PRF1: variants seen among roughly 807,000 people sequenced by gnomAD.
PRF1 encodes perforin-1.
In PRF1, 11 loss-of-function variants were observed where a neutral mutation model predicts 11.7. That is an observed-to-expected ratio of 0.94 (90% CI 0.59 to 1.56). The LOEUF is 1.56. Ranked by LOEUF, PRF1 falls within the 40% of genes most tolerant of loss-of-function variation. The probability of loss-of-function intolerance (pLI) is 0.00; values close to 1 mark genes in which losing one functional copy is unlikely to be tolerated. For synonymous variants in PRF1, 314 were observed against 327.8 expected, an observed-to-expected ratio of 0.96 and a Z score of 0.45; for missense variants, 729 against 751.0, an observed-to-expected ratio of 0.97 and a Z score of 0.34.
chr10:70,599,307 C>T (rs978338102), intron 2 of PRF1, 126 bp from the exon 3 acceptor site: 23 of 1,260,986 alleles, frequency 1.8e-5, no homozygotes, highest in Middle Eastern at 5.1e-4. Flanking sequence ...CCCAGGGGCC[C>T]GGCTCCAGAG....
rs34914326 is a variant in PRF1 at position 70,597,843 on chromosome 10, TAAA to T, written c.*207_*209del. 0.011 allele frequency: 6,600 copies of T among 591,566 alleles called. 26 individuals carry two copies. Among genetic ancestry groups the T allele is most frequent in the African/African-American group, 0.029 (1,449 of 50,400 alleles). The allele number at this position is 591,566 out of a possible 1,614,324, so 36.6% of individuals were successfully genotyped here. On this transcript the variant is annotated 3_prime_UTR_variant, in exon 3 of 3. Coordinates refer to ENST00000441259, the MANE Select transcript of PRF1 (RefSeq NM_001083116.3). ...CTAGCACTAACGATAGCCGATGAGC[TAAA>T]AAAAAAAAAAAAATAGCAAAAAGAA...
In PRF1 at chr10:70,597,943, G is replaced by A; in HGVS notation, c.*110C>T. The A allele has an allele frequency of 1.4e-6, 2 of 1,423,824 alleles. No homozygotes were observed. Among genetic ancestry groups the A allele is most frequent in the Non-Finnish European group, 1.9e-6 (2 of 1,035,226 alleles). The allele number at this position is 1,423,824 out of a possible 1,614,324, so 88.2% of individuals were successfully genotyped here. A position where few individuals can be genotyped will look rare whatever the true frequency, so the allele number is the denominator to read the frequency against. On this transcript the variant is annotated 3_prime_UTR_variant, in exon 3 of 3. Coordinates refer to ENST00000441259, the MANE Select transcript of PRF1 (RefSeq NM_001083116.3). The stretch of plus-strand genomic sequence containing the variant: ...TCAAAGCCATCCTGGGCCGCATGCG[G>A]GCCTCGGGTTGGACAAGCTTGGTCT...
chr10:70,598,296 C>G lies in PRF1; in HGVS notation c.1425G>C (p.Gly475=). 1 of 1,614,212 alleles carries G rather than the reference C, an allele frequency of 6.2e-7. No homozygotes were observed. The highest frequency in any genetic ancestry group is 8.5e-7 in the Non-Finnish European group (1 of 1,180,034). Residue 475 remains glycine, a synonymous_variant, in exon 3 of 3, where the codon GGG becomes GGC. Coordinates refer to ENST00000441259, the MANE Select transcript of PRF1 (RefSeq NM_001083116.3). The part of the protein sequence containing the change: ...LDFGDVLLAT[G]GPLRLQVWDQ... ...CCCAGACCTGCAACCTCAGGGGCCCCCCTGTGGCCAGGAGCACATCCCCAA... is the reference window on the plus strand; with the variant it reads ...CCCAGACCTGCAACCTCAGGGGCCCGCCTGTGGCCAGGAGCACATCCCCAA...
Position 70,598,952 on chromosome 10 carries a change from A to G in PRF1, c.769T>C (p.Cys257Arg), listed in dbSNP as rs2132476466. 6.2e-7 allele frequency: 1 copy of G among 1,614,260 alleles called. No homozygotes were observed. Among genetic ancestry groups the G allele is most frequent in the East Asian group, 2.2e-5 (1 of 44,880 alleles). The part of the protein sequence containing the change: ...EGLTDNEVED[C>R]LTVEAQVNIG... ...TTGACCTGGGCCTCGACAGTCAGGC[A>G]GTCCTCCACCTCGTTGTCCGTGAGC... The change falls in exon 3 of 3, where the codon TGC becomes CGC. Residue 257 changes from cysteine to arginine, a missense_variant. Transcript: ENST00000441259.
At position 70,597,519 on chromosome 10, in the gene PRF1, G is replaced by A. The variant is rs1201724085; in HGVS notation, c.*534C>T. On this transcript the variant is annotated 3_prime_UTR_variant, in exon 3 of 3. Coordinates refer to ENST00000441259, the MANE Select transcript of PRF1 (RefSeq NM_001083116.3). ...ATGAAGGCTTTGCCACACCATAGAG[G>A]GCTCAAGGGAAGGGTCCTAAAAGAC... 1 of 422,868 alleles carries A rather than the reference G, an allele frequency of 2.4e-6. No homozygotes were observed. The allele number at this position is 422,868 out of a possible 1,614,324, so 26.2% of individuals were successfully genotyped here. A position where few individuals can be genotyped will look rare whatever the true frequency, so the allele number is the denominator to read the frequency against.
At position 70,598,417 on chromosome 10, in the gene PRF1, G is replaced by C; in HGVS notation, c.1304C>G (p.Thr435Arg). The change falls in exon 3 of 3, where the codon ACG becomes AGG. Residue 435 changes from threonine to arginine, a missense_variant. By Grantham distance (71) the Thr-to-Arg change is moderately conservative (BLOSUM62 -1). Coordinates refer to ENST00000441259, the MANE Select transcript of PRF1 (RefSeq NM_001083116.3). ...WGLWGDWFTA[T>R]DAYVKLFFGG... Reference sequence around the variant, plus strand: ...AAAGAAGAGCTTCACATAGGCATCCGTGGCAGTGAACCAGTCCCCCCACAG... The same window carrying C: ...AAAGAAGAGCTTCACATAGGCATCCCTGGCAGTGAACCAGTCCCCCCACAG... The C allele has an allele frequency of 6.2e-7, 1 of 1,613,956 alleles. No individual in the cohort carries two copies. The highest frequency in any genetic ancestry group is 8.5e-7 in the Non-Finnish European group (1 of 1,180,018).
Position 70,598,751 on chromosome 10 carries a change from G to T in PRF1, c.970C>A (p.Gln324Lys). 1.2e-6 allele frequency: 2 copies of T among 1,614,232 alleles called. No individual in the cohort carries two copies. Among genetic ancestry groups the T allele is most frequent in the South Asian group, 1.1e-5 (1 of 91,080 alleles). ...LLFGIQAGPE[Q>K]YSAWVNSLPG... ...AGCGAGTTTACCCAGGCTGAGTACT[G>T]CTCGGGCCCGGCCTGGATCCCGAAC... The change falls in exon 3 of 3, where the codon CAG becomes AAG. Residue 324 changes from glutamine (Q) to lysine (K), a missense_variant. By Grantham distance (53) the Gln-to-Lys change is moderately conservative (BLOSUM62 1). Transcript: ENST00000441259.
chr10:70,598,488 C>T lies in PRF1; in HGVS notation c.1233G>A (p.Gln411=). The T allele has an allele frequency of 3.7e-6, 6 of 1,613,586 alleles. No individual in the cohort carries two copies. Among genetic ancestry groups the T allele is most frequent in the Non-Finnish European group, 5.1e-6 (6 of 1,180,012 alleles). Residue 411 remains glutamine (Q), a synonymous_variant, in exon 3 of 3, where the codon CAG becomes CAA. Transcript: ENST00000441259. ...AVTTQDCCPR[Q]RGLAQLEVTF... The stretch of plus-strand genomic sequence containing the variant: ...TCACCTCCAGCTGGGCCAGGCCCCT[C>T]TGCCGAGGGCAGCAGTCCTGGGTGG...
At position 70,600,745 on chromosome 10, in the gene PRF1, A is replaced by T. The variant is rs776129535; in HGVS notation, c.158T>A (p.Leu53His). ...CACTGGGAAGGAGCCCGAGCGGCGG[A>T]GGCTGGTCACGTCCACACCCTCCCC... is the stretch of plus-strand genomic sequence containing the variant. ...LAGEGVDVTSLRRSGSFPVDT... is the reference protein window; with the variant it reads ...LAGEGVDVTSHRRSGSFPVDT... Residue 53 changes from leucine to histidine, a missense_variant, in exon 2 of 3, where the codon CTC becomes CAC. Physicochemically the swap from Leu to His is moderately conservative, Grantham distance 99. Transcript: ENST00000441259. This position sits in a 1 kb window ranked among gnomAD's most constrained non-coding sequence, Gnocchi z 4.9. 6.2e-7 allele frequency: 1 copy of T among 1,613,150 alleles called. No individual in the cohort carries two copies. Among genetic ancestry groups the T allele is most frequent in the Non-Finnish European group, 8.5e-7 (1 of 1,179,506 alleles).
intron 2 of PRF1, among the ~76,000 whole-genome samples, chr10:70,599,960 G>T (rs1445956224): frequency 6.6e-6 from 1 of 152,242 alleles, no homozygotes; most frequent in Non-Finnish European, 1.5e-5. Context: ...TCAGAGAGAA[G>T]TGAGATGCTC....
rs372071395 is a variant in PRF1 at position 70,599,520 on chromosome 10, C to T, written c.540-339G>A. ...ACCCCAGCACTTTGGGAGGCCGAGG[C>T]GGGAGGATCACTTGAGCCCAGGAGT... On this transcript the variant is annotated intron_variant, in intron 2 of 2. Transcript: ENST00000441259. Among the ~76,000 whole-genome samples, 126 of 152,242 alleles carry T rather than the reference C, an allele frequency of 8.3e-4. 1 individual carries two copies. The South Asian group carries it at 0.017, about 20-fold the overall frequency.
rs748926167 is a variant in PRF1, at chr10:70,598,292, G to GC, written c.1428dup (p.Pro477AlafsTer16). On this transcript the variant is annotated frameshift_variant, in exon 3 of 3. Transcript: ENST00000441259. LOFTEE classifies it low-confidence loss of function (END_TRUNC). The stretch of plus-strand genomic sequence containing the variant: ...TGATCCCAGACCTGCAACCTCAGGG[G>GC]CCCCCCTGTGGCCAGGAGCACATCC... 2 of 1,614,154 alleles carry GC rather than the reference G, an allele frequency of 1.2e-6. No homozygotes were observed. The highest frequency in any genetic ancestry group is 1.1e-5 in the South Asian group (1 of 91,084).
At position 70,600,716 on chromosome 10, in the gene PRF1, T is replaced by A. The variant is rs1239133757; in HGVS notation, c.187A>T (p.Thr63Ser). 6.2e-7 allele frequency: 1 copy of A among 1,613,870 alleles called. No homozygotes were observed. The highest frequency in any genetic ancestry group is 2.2e-5 in the East Asian group (1 of 44,866). ...LRRSGSFPVD[T>S]QRFLRPDGTC... ...CCGTCGGGCCGCAGGAACCTTTGTG[T>A]GTCCACTGGGAAGGAGCCCGAGCGG... Residue 63 changes from threonine to serine, a missense_variant, in exon 2 of 3, where the codon ACA becomes TCA. By Grantham distance (58) the Thr-to-Ser change is moderately conservative. Transcript: ENST00000441259. This position sits in a 1 kb window ranked among gnomAD's most constrained non-coding sequence, Gnocchi z 4.9.
chr10:70,598,453 T>C lies in PRF1; in HGVS notation c.1268A>G (p.Gln423Arg). Residue 423 changes from glutamine to arginine, a missense_variant, in exon 3 of 3, where the codon CAA (glutamine) becomes CGA (arginine). Coordinates refer to ENST00000441259, the MANE Select transcript of PRF1 (RefSeq NM_001083116.3). ...CCAGTCCCCCCACAGGCCCCATGCT[T>C]GGATGAAGGTCACCTCCAGCTGGGC... ...GLAQLEVTFI[Q>R]AWGLWGDWFT... is the part of the protein sequence containing the mutation. 6.2e-7 allele frequency: 1 copy of C among 1,613,664 alleles called. No individual in the cohort carries two copies. The highest frequency in any genetic ancestry group is 8.5e-7 in the Non-Finnish European group (1 of 1,179,996).
chr10:70,600,870 A>G lies in PRF1; in HGVS notation c.33T>C (p.Leu11=), dbSNP rs759411132. 6.2e-6 allele frequency: 10 copies of G among 1,604,780 alleles called. No individual in the cohort carries two copies. Among genetic ancestry groups the G allele is most frequent in the Middle Eastern group, 1.7e-4 (1 of 5,816 alleles). The change falls in exon 2 of 3, where the codon CTT becomes CTC. Residue 11 remains leucine (L), a synonymous_variant. Transcript: ENST00000441259. This position sits in a 1 kb window ranked among gnomAD's most constrained non-coding sequence, Gnocchi z 4.9. ...GGACGGGCAGGGGCAGCAGCAGGAG[A>G]AGGATGCCCAGGAGGAGCAGACGGG... The part of the protein sequence containing the change: MAARLLLLGI[L]LLLLPLPVPA...
At position 70,600,695 on chromosome 10, in the gene PRF1, CG is replaced by C. The variant is rs786205093; in HGVS notation, c.207del (p.Asp70ThrfsTer37). 2 of 1,613,730 alleles carry C rather than the reference CG, an allele frequency of 1.2e-6. No individual in the cohort carries two copies. Among genetic ancestry groups the C allele is most frequent in the East Asian group, 4.5e-5 (2 of 44,886 alleles). The stretch of plus-strand genomic sequence containing the variant: ...TTTTCACAGAGGGTGCAGGTGCCGT[CG>C]GGCCGCAGGAACCTTTGTGTGTCCA... ...FPVDTQRFLR[P>X]DGTCTLCENA... On this transcript the variant is annotated frameshift_variant, in exon 2 of 3. Transcript: ENST00000441259. LOFTEE classifies it high-confidence loss of function. This position sits in a 1 kb window ranked among gnomAD's most constrained non-coding sequence, Gnocchi z 4.9.
In PRF1 at chr10:70,598,387, C is replaced by T. The variant is rs754711256; in HGVS notation, c.1334G>A (p.Gly445Asp). 1.1e-5 allele frequency: 17 copies of T among 1,614,116 alleles called. No individual in the cohort carries two copies. Among genetic ancestry groups the T allele is most frequent in the Non-Finnish European group, 1.4e-5 (17 of 1,180,038 alleles). ...CACGGTGCTCGTCCTCAGCTCCTGGCCACCAAAGAAGAGCTTCACATAGGC... is the reference window on the plus strand; with the variant it reads ...CACGGTGCTCGTCCTCAGCTCCTGGTCACCAAAGAAGAGCTTCACATAGGC... ...TDAYVKLFFG[G>D]QELRTSTVWD... The change falls in exon 3 of 3, where the codon GGC (glycine) becomes GAC (aspartate). Residue 445 changes from glycine (G) to aspartate (D), a missense_variant. Coordinates refer to ENST00000441259, the MANE Select transcript of PRF1 (RefSeq NM_001083116.3).
chr10:70,602,356 A>G (rs1010009589), intron 1 of PRF1, among the ~76,000 whole-genome samples: 2 of 152,208 alleles, frequency 1.3e-5, no homozygotes, highest in Non-Finnish European at 2.9e-5. Context: ...CAGTGAACTC[A>G]GCCCTCATCC....
Position 70,598,084 on chromosome 10 carries a change from G to T in PRF1, c.1637C>A (p.Pro546His). ...DYVPQMLLGE[P>H]PGNRSGAVW Reference sequence around the variant, plus strand: ...CACGGCCCCACTCCGGTTTCCTGGAGGCTCCCCCAGAAGCATTTGGGGGAC... The same window carrying T: ...CACGGCCCCACTCCGGTTTCCTGGATGCTCCCCCAGAAGCATTTGGGGGAC... The change falls in exon 3 of 3, where the codon CCT becomes CAT. Residue 546 changes from proline (P) to histidine (H), a missense_variant. Coordinates refer to ENST00000441259, the MANE Select transcript of PRF1 (RefSeq NM_001083116.3). 6.2e-7 allele frequency: 1 copy of T among 1,613,974 alleles called. No individual in the cohort carries two copies. The highest frequency in any genetic ancestry group is 8.5e-7 in the Non-Finnish European group (1 of 1,180,022).
Sources: gnomAD v4.1 joint callset for allele counts (sites outside exome capture counted in the v4.1 genomes callset) on GRCh38, gnomAD v4.1.1 for gene constraint, Gnocchi (gnomAD v3.1) non-coding constraint, MANE v1.5 for transcripts, NCBI Gene and HGNC (gene_info 2026-07-23, HGNC 2026-07-21) for gene names.